Variants in ZNF385D observed in about 807,000 individuals in gnomAD.
ZNF385D encodes the protein zinc finger protein 659.
Under a neutral mutation model 35.8 loss-of-function variants are expected in ZNF385D, and 15 were observed. That is an observed-to-expected ratio of 0.42 (90% CI 0.28 to 0.64). The LOEUF (loss-of-function observed/expected upper bound fraction) is 0.64. Among genes scored for constraint, ZNF385D ranks in the 30% least tolerant of loss-of-function variants. ZNF385D has a pLI of 0.23. For synonymous variants in ZNF385D, 212 were observed against 186.8 expected, an observed-to-expected ratio of 1.13 and a Z score of -1.10; for missense variants, 474 against 494.6, an observed-to-expected ratio of 0.96 and a Z score of 0.39.
intron 3 of ZNF385D, among the ~76,000 whole-genome samples, chr3:21,825,749 A>G (rs867130398): frequency 5.3e-5 from 8 of 152,232 alleles, no homozygotes; most frequent in Middle Eastern, 3.4e-3. Flanking sequence ...ATGAAGGTTA[A>G]TTTTTCCCAC....
intron 3 of ZNF385D, among the ~76,000 whole-genome samples, chr3:22,163,724 ATCTC>A (rs1234789409): frequency 6.6e-6 from 1 of 152,188 alleles, no homozygotes; most frequent in Non-Finnish European, 1.5e-5. Flanking sequence ...TTAGGTAAAA[ATCTC>A]TATTGTTATT....
At chr3:21,670,653 C>A (rs2066543206) in intron 1 of ZNF385D, among the ~76,000 whole-genome samples, 1 of 2,986 alleles carries the variant, frequency 3.3e-4, no homozygotes, top group Non-Finnish European at 1.4e-3. Context: ...CTAAGGCGCC[C>A]CCCCCCCCCC....
At chr3:22,084,598 A>T (rs888166627) in intron 3 of ZNF385D, among the ~76,000 whole-genome samples, 8 of 152,198 alleles carry the variant, frequency 5.3e-5, no homozygotes, top group African/African-American at 1.9e-4. Flanking sequence ...AGCAACCTAC[A>T]AAGAGACTTA....
At chr3:21,780,407 C>T (rs2071443621) in intron 3 of ZNF385D, among the ~76,000 whole-genome samples, 1 of 151,976 alleles carries the variant, frequency 6.6e-6, no homozygotes, top group Admixed American at 6.6e-5. Flanking sequence ...CTCTTCCTCA[C>T]CTACTTTTGT....
chr3:21,997,868 CGCGCGTGTGT>C lies in ZNF385D; in HGVS notation c.325+170939_325+170948del, dbSNP rs1233658001. ...GATGTTGCTATTTGGCGCGCGCGCG[CGCGCGTGTGT>C]GTGTGTGTGTGTGTGTGTGTGTGTG... On this transcript the variant is annotated intron_variant, in intron 3 of 5. Coordinates refer to the ZNF385D transcript ENST00000494108. 2.1e-4 allele frequency among the ~76,000 whole-genome samples: 12 copies of C among 56,580 alleles called. No individual in the cohort carries two copies. In the South Asian group the frequency reaches 3.6e-3, roughly 17 times the overall value. The allele number at this position is 56,580 out of a possible 152,430, so 37.1% of individuals were successfully genotyped here. A position where few individuals can be genotyped will look rare whatever the true frequency, so the allele number is the denominator to read the frequency against.
chr3:22,162,573 C>T (rs1706032087), intron 3 of ZNF385D, among the ~76,000 whole-genome samples: 1 of 152,126 alleles, frequency 6.6e-6, no homozygotes, highest in Admixed American at 6.6e-5. Flanking sequence ...AACAAGACAG[C>T]CCTACCTGCC....
chr3:21,947,627 G>A (rs182854470), intron 3 of ZNF385D, among the ~76,000 whole-genome samples: 172 of 152,322 alleles, frequency 1.1e-3, no homozygotes, highest in Non-Finnish European at 1.8e-3. Flanking sequence ...TGGGATTCCA[G>A]GCGTGAGCCA....
intron 2 of ZNF385D, among the ~76,000 whole-genome samples, chr3:22,209,172 A>G (rs957093502): frequency 6.6e-6 from 1 of 151,938 alleles, no homozygotes; most frequent in East Asian, 1.9e-4. Context: ...TGATATATAC[A>G]TATCTCTGGA....
At chr3:21,604,490 T>G (rs2064416740) in intron 2 of ZNF385D, among the ~76,000 whole-genome samples, 1 of 152,186 alleles carries the variant, frequency 6.6e-6, no homozygotes, top group Admixed American at 6.5e-5. Flanking sequence ...TACTTAGTTT[T>G]GGAAATGAAA....
chr3:21,818,803 T>C (rs573627403), intron 3 of ZNF385D, among the ~76,000 whole-genome samples: 1 of 151,888 alleles, frequency 6.6e-6, no homozygotes, highest in Non-Finnish European at 1.5e-5. Flanking sequence ...ATATTTTAAA[T>C]TTTCCTATAT....
In ZNF385D at chr3:21,640,316, A is replaced by G. The variant is rs141487427; in HGVS notation, c.165+24570T>C. Among the ~76,000 whole-genome samples, 571 of 152,240 alleles carry G rather than the reference A, an allele frequency of 3.8e-3. 3 individuals carry two copies. Among genetic ancestry groups the G allele is most frequent in the Non-Finnish European group, 6.9e-3 (467 of 67,990 alleles). ...AGTGACTAAAGAAAAGTGTGAAAAT[A>G]CATCCCGTTCCACACAAACCATGTT... On this transcript the variant is annotated intron_variant, in intron 2 of 7. Transcript: ENST00000281523.
chr3:21,473,306 ACT>A (rs62754760), intron 4 of ZNF385D, among the ~76,000 whole-genome samples: 1,551 of 151,622 alleles, frequency 0.01, 19 homozygotes, highest in Middle Eastern at 0.02. Context: ...AGAGCTAAAA[ACT>A]CTGTTTCCCA....
At position 22,194,170 on chromosome 3, in the gene ZNF385D, T is replaced by G. The variant is rs537524964; in HGVS notation, c.107-25135A>C. Among the ~76,000 whole-genome samples the G allele has an allele frequency of 1.2e-3, 184 of 151,846 alleles. 2 individuals carry two copies. The highest frequency in any genetic ancestry group is 4.2e-3 in the African/African-American group (173 of 41,526). ...TCTCTTATGTTTAGTACATAACAAC[T>G]ATCAGATTTTGATTGTTGATAAATT... On this transcript the variant is annotated intron_variant, in intron 2 of 5. Coordinates refer to the ZNF385D transcript ENST00000494108.
At chr3:21,618,429 G>GTGT (rs1020260740) in intron 2 of ZNF385D, among the ~76,000 whole-genome samples, 3 of 152,168 alleles carry the variant, frequency 2.0e-5, no homozygotes, top group African/African-American at 7.2e-5. Flanking sequence ...GCCATACCCA[G>GTGT]TGTTGGACTT....
intron 3 of ZNF385D, among the ~76,000 whole-genome samples, chr3:22,036,104 A>G (rs1698299901): frequency 6.6e-6 from 1 of 152,212 alleles, no homozygotes; most frequent in East Asian, 1.9e-4. Flanking sequence ...AATAACATGC[A>G]TGAAATTCAA....
chr3:21,466,333 A>G (rs763454016), intron 4 of ZNF385D, among the ~76,000 whole-genome samples: 5 of 152,176 alleles, frequency 3.3e-5, no homozygotes, highest in Non-Finnish European at 7.3e-5. Context: ...TGCTCTAGTC[A>G]TATTGAAGTT....
intron 3 of ZNF385D, among the ~76,000 whole-genome samples, chr3:21,865,059 T>TTC: frequency 7.3e-6 from 1 of 136,754 alleles, no homozygotes; most frequent in Non-Finnish European, 1.6e-5. Flanking sequence ...TTTTTTTTTT[T>TTC]TTTTTTTTTT....
chr3:22,357,803 A>C (rs1277639684), intron 2 of ZNF385D, among the ~76,000 whole-genome samples: 1 of 151,826 alleles, frequency 6.6e-6, no homozygotes, highest in Non-Finnish European at 1.5e-5. Context: ...GTGACATATC[A>C]CTTCCATTCA....
intron 2 of ZNF385D, among the ~76,000 whole-genome samples, chr3:21,603,018 T>G (rs2064361923): frequency 1.3e-5 from 2 of 152,212 alleles, no homozygotes; most frequent in African/African-American, 4.8e-5. Flanking sequence ...TCTGTCCATA[T>G]CAGGAAACTT....
Sources: gnomAD v4.1 joint callset for allele counts (sites outside exome capture counted in the v4.1 genomes callset) on GRCh38, gnomAD v4.1.1 for gene constraint, MANE v1.5 for transcripts, NCBI Gene and HGNC (gene_info 2026-07-23, HGNC 2026-07-21) for gene names.